Variants in GPRIN3 observed in about 807,000 individuals in gnomAD.
The protein encoded by GPRIN3 is G protein-regulated inducer of neurite outgrowth 3.
A neutral mutation model predicts 13.7 loss-of-function variants in GPRIN3; 12 were observed. The ratio of observed to expected loss-of-function variants is 0.87; its 90% CI spans 0.56 to 1.42. The LOEUF is 1.42. Ranked by LOEUF, GPRIN3 falls within the 40% of genes most tolerant of loss-of-function variation. The pLI, the probability that GPRIN3 is intolerant of heterozygous loss-of-function variation, is 0.00. For missense variants in GPRIN3, 1,009 were observed against 958.7 expected (o/e 1.05, Z -0.69); for synonymous variants, 377 against 372.7 (o/e 1.01, Z -0.13).
At position 89,273,279 on chromosome 4, in the gene GPRIN3, GA is replaced by G. The variant is rs112984710; in HGVS notation, c.-123-23047del. ...TTAGAATGTAACATTAATTGATATA[GA>G]ATTTCAACAAGCTGCAAAAAACAGT... On this transcript the variant is annotated intron_variant, in intron 1 of 1. Transcript: ENST00000609438. Among the ~76,000 whole-genome samples, 80 of 152,290 alleles carry G rather than the reference GA, an allele frequency of 5.3e-4. 1 individual carries two copies. The highest frequency in any genetic ancestry group is 1.9e-3 in the African/African-American group (77 of 41,584).
At chr4:89,255,406 T>C (rs1406778152) in intron 1 of GPRIN3, among the ~76,000 whole-genome samples, 3 of 152,246 alleles carry the variant, frequency 2.0e-5, no homozygotes, top group Non-Finnish European at 4.4e-5. Flanking sequence ...TAAGCTTTTA[T>C]CTGTGTTAAA....
Position 89,250,029 on chromosome 4 carries a change from G to A in GPRIN3, c.82C>T (p.Pro28Ser). 1 of 1,614,162 alleles carries A rather than the reference G, an allele frequency of 6.2e-7. No individual in the cohort carries two copies. The highest frequency in any genetic ancestry group is 8.5e-7 in the Non-Finnish European group (1 of 1,180,010). ...ASGKEDDLGE[P>S]QAASPRHRPA... is the part of the protein sequence containing the mutation. ...CGATGCCGAGGTGAGGCAGCCTGTG[G>A]CTCTCCTAGATCGTCTTCTTTTCCG... is the stretch of plus-strand genomic sequence containing the variant. Residue 28 changes from proline (P) to serine (S), a missense_variant, in exon 2 of 2, where the codon CCA (proline) becomes TCA (serine). Coordinates refer to ENST00000609438, the MANE Select transcript of GPRIN3 (RefSeq NM_198281.3).
At position 89,249,797 on chromosome 4, in the gene GPRIN3, C is replaced by T. The variant is rs542866645; in HGVS notation, c.314G>A (p.Ser105Asn). ...NSPGNPQLPGSSQPAASAPSS... is the reference protein window; with the variant it reads ...NSPGNPQLPGNSQPAASAPSS... ...CGGGGCTGATGCTGCGGGCTGGCTG[C>T]TCCCTGGCAGCTGGGGATTGCCGGG... Residue 105 changes from serine to asparagine, a missense_variant, in exon 2 of 2, where the codon AGC (serine) becomes AAC (asparagine). Physicochemically the swap from Ser to Asn is conservative, Grantham distance 46 (BLOSUM62 1). Transcript: ENST00000609438. 6.2e-6 allele frequency: 10 copies of T among 1,614,190 alleles called. No homozygotes were observed. The East Asian group carries it at 1.8e-4, about 29-fold the overall frequency.
intron 1 of GPRIN3, among the ~76,000 whole-genome samples, chr4:89,285,383 C>T (rs1466846655): frequency 6.6e-6 from 1 of 151,912 alleles, no homozygotes; most frequent in Non-Finnish European, 1.5e-5. Flanking sequence ...AACATATGAG[C>T]CTTTATGAGA....
At chr4:89,302,199 A>C (rs1724918196) in intron 1 of GPRIN3, among the ~76,000 whole-genome samples, 1 of 152,160 alleles carries the variant, frequency 6.6e-6, no homozygotes, top group African/African-American at 2.4e-5. Flanking sequence ...GTGCACAGTA[A>C]CTGATTCTCC....
chr4:89,295,192 C>T (rs1026621418), intron 1 of GPRIN3, among the ~76,000 whole-genome samples: 1 of 152,168 alleles, frequency 6.6e-6, no homozygotes, highest in Non-Finnish European at 1.5e-5. Flanking sequence ...GTAGACCCCC[C>T]TTTTTTCCAT....
intron 1 of GPRIN3, among the ~76,000 whole-genome samples, chr4:89,283,770 T>C (rs1724324688): frequency 2.0e-5 from 3 of 152,012 alleles, no homozygotes; most frequent in Admixed American, 2.0e-4. Flanking sequence ...TGGACAAGCA[T>C]GAATAGATAT....
intron 1 of GPRIN3, among the ~76,000 whole-genome samples, chr4:89,272,391 T>C (rs940027970): frequency 6.6e-6 from 1 of 152,198 alleles, no homozygotes; most frequent in South Asian, 2.1e-4. Context: ...GCTGACTCCA[T>C]AAGCAATTTC....
At chr4:89,307,461 G>C (rs1560486) in intron 1 of GPRIN3, among the ~76,000 whole-genome samples, 154 bp downstream of exon 1, 117,857 of 152,098 alleles carry the variant, frequency 0.77, 45,942 homozygotes, top group East Asian at 0.85. Context: ...GCCCCTCCTA[G>C]AGCGCAGGAT....
intron 1 of GPRIN3, among the ~76,000 whole-genome samples, chr4:89,304,244 T>C (rs1724977424): frequency 6.6e-6 from 1 of 152,196 alleles, no homozygotes; most frequent in Non-Finnish European, 1.5e-5. Context: ...GGAAAATGCT[T>C]GTCTATCAGA....
chr4:89,277,946 T>C (rs1413344002), intron 1 of GPRIN3, among the ~76,000 whole-genome samples: 3 of 152,196 alleles, frequency 2.0e-5, no homozygotes, highest in Non-Finnish European at 4.4e-5. Flanking sequence ...GATCTATACC[T>C]TGTTGTTTTT....
rs1297023230 is a variant in GPRIN3 at position 89,270,578 on chromosome 4, TA to T, written c.-123-20346del. 2.4e-4 allele frequency among the ~76,000 whole-genome samples: 24 copies of T among 99,538 alleles called. 1 individual carries two copies. Among genetic ancestry groups the T allele is most frequent in the African/African-American group, 1.3e-3 (22 of 16,588 alleles). 65.3% of individuals were successfully genotyped at this position (99,538 alleles called of 152,430 possible). ...TATGTATATAATTTATATATATATA[TA>T]TATATATATATATATATATATAAAA... On this transcript the variant is annotated intron_variant, in intron 1 of 1. Coordinates refer to ENST00000609438, the MANE Select transcript of GPRIN3 (RefSeq NM_198281.3).
intron 1 of GPRIN3, among the ~76,000 whole-genome samples, chr4:89,287,405 T>C (rs996839856): frequency 6.6e-6 from 1 of 152,232 alleles, no homozygotes; most frequent in African/African-American, 2.4e-5. Flanking sequence ...GTTAATACAA[T>C]GAAACTGACC....
At chr4:89,282,261 A>G (rs569210849) in intron 1 of GPRIN3, among the ~76,000 whole-genome samples, 1 of 152,298 alleles carries the variant, frequency 6.6e-6, no homozygotes, top group South Asian at 2.1e-4. Context: ...CTTTGAATTT[A>G]TTTTACTGTT....
At chr4:89,260,501 G>A (rs1578083195) in intron 1 of GPRIN3, among the ~76,000 whole-genome samples, 1 of 152,312 alleles carries the variant, frequency 6.6e-6, no homozygotes, top group Non-Finnish European at 1.5e-5. Context: ...TAGGCATCGC[G>A]AGTACATAAA....
intron 1 of GPRIN3, among the ~76,000 whole-genome samples, chr4:89,269,119 T>C (rs983421621): frequency 2.0e-5 from 3 of 152,190 alleles, no homozygotes; most frequent in South Asian, 4.1e-4. Flanking sequence ...AGGTTAGTCA[T>C]TGGTATCTTG....
intron 1 of GPRIN3, among the ~76,000 whole-genome samples, chr4:89,274,409 T>C (rs770829463): frequency 6.6e-6 from 1 of 152,206 alleles, no homozygotes; most frequent in Non-Finnish European, 1.5e-5. Context: ...CCAGGGTCTC[T>C]TTCCAGGGGG....
At position 89,249,243 on chromosome 4, in the gene GPRIN3, G is replaced by A. The variant is rs187145478; in HGVS notation, c.868C>T (p.Arg290Cys). ...GPEKVPLPAQRQMSRFKEAST... is the reference protein window; with the variant it reads ...GPEKVPLPAQCQMSRFKEAST... ...GCTTCTTTGAACCTTGACATCTGACGCTGTGCTGGCAGCGGCACCTTCTCT... is the reference window on the plus strand; with the variant it reads ...GCTTCTTTGAACCTTGACATCTGACACTGTGCTGGCAGCGGCACCTTCTCT... Residue 290 changes from arginine to cysteine, a missense_variant, in exon 2 of 2, where the codon CGT becomes TGT. Coordinates refer to ENST00000609438, the MANE Select transcript of GPRIN3 (RefSeq NM_198281.3). 28 of 1,614,058 alleles carry A rather than the reference G, an allele frequency of 1.7e-5. No homozygotes were observed. In the East Asian group the frequency reaches 2.5e-4, roughly 14 times the overall value.
intron 1 of GPRIN3, among the ~76,000 whole-genome samples, chr4:89,285,352 A>T (rs1429034606): frequency 2.1e-5 from 1 of 47,274 alleles, no homozygotes; most frequent in African/African-American, 3.4e-5. Context: ...TATAATAATT[A>T]AAAAAAAAGA....
Sources: allele counts gnomAD v4.1 joint callset (sites outside exome capture counted in the v4.1 genomes callset), GRCh38; gene constraint gnomAD v4.1.1; transcripts MANE v1.5; gene names NCBI Gene and HGNC (gene_info 2026-07-23, HGNC 2026-07-21).